The following SOX5 variants were observed in gnomAD, a reference collection of about 807,000 sequenced individuals.
The protein encoded by SOX5 is SRY-box transcription factor 5.
Under a neutral mutation model 92.0 loss-of-function variants are expected in SOX5, and 9 were observed. The observed-to-expected ratio is 0.10, with a 90% CI of 0.06 to 0.17. The LOEUF is 0.17. Among genes scored for constraint, SOX5 ranks in the 10% least tolerant of loss-of-function variants. SOX5 has a pLI of 1.00. For missense variants in SOX5, 642 were observed against 944.5 expected (o/e 0.68, Z 4.20); for synonymous variants, 344 against 336.3 (o/e 1.02, Z -0.25).
intron 6 of SOX5, among the ~76,000 whole-genome samples, chr12:23,677,240 C>T (rs2085856108): frequency 6.6e-6 from 1 of 152,082 alleles, no homozygotes; most frequent in Admixed American, 6.6e-5. Context: ...ACGATGCCCA[C>T]AGTTAGGTTT....
chr12:23,738,701 C>T (rs928889575), intron 5 of SOX5, among the ~76,000 whole-genome samples: 64 of 152,236 alleles, frequency 4.2e-4, no homozygotes, highest in African/African-American at 1.5e-3. Context: ...GACATGTGTG[C>T]CCTCAGACCC....
At chr12:23,614,139 A>T (rs2076280401) in intron 8 of SOX5, among the ~76,000 whole-genome samples, 1 of 152,196 alleles carries the variant, frequency 6.6e-6, no homozygotes. Context: ...CCAGGATCTG[A>T]CATGGCTGCA....
rs994471205 is a variant in SOX5, at chr12:24,192,769, T to C, written c.-2+20574A>G. 1.3e-5 allele frequency among the ~76,000 whole-genome samples: 2 copies of C among 152,188 alleles called. 1 individual carries two copies. Among genetic ancestry groups the C allele is most frequent in the African/African-American group, 4.8e-5 (2 of 41,452 alleles). ...AATGAACTCACACTGTATAGATTCC[T>C]ATGATCCCCCTGCATGCTCAGCAAC... On this transcript the variant is annotated intron_variant, in intron 4 of 4. Transcript: ENST00000446891.
chr12:24,107,308 C>T (rs1946801747), intron 4 of SOX5, among the ~76,000 whole-genome samples: 2 of 152,126 alleles, frequency 1.3e-5, no homozygotes, highest in Admixed American at 1.3e-4. Flanking sequence ...TTTCTATATT[C>T]TTAGTGTGTT....
intron 1 of SOX5, among the ~76,000 whole-genome samples, chr12:24,372,445 C>T (rs146194784): frequency 0.011 from 1,681 of 152,216 alleles, 23 homozygotes; most frequent in Admixed American, 0.019. Flanking sequence ...CATTCATGTC[C>T]CTGCCAAGGA....
intron 4 of SOX5, among the ~76,000 whole-genome samples, chr12:24,114,066 T>C (rs1947689482): frequency 6.6e-6 from 1 of 152,206 alleles, no homozygotes; most frequent in Admixed American, 6.5e-5. Context: ...GGCTAGCATC[T>C]GACCCATCTT....
At chr12:24,522,646 C>T in intron 1 of SOX5, among the ~76,000 whole-genome samples, 1 of 152,066 alleles carries the variant, frequency 6.6e-6, no homozygotes, top group East Asian at 1.9e-4. Flanking sequence ...ATGTGATACA[C>T]ACATTGCAGA....
chr12:24,455,294 T>G (rs1244202195), intron 1 of SOX5, among the ~76,000 whole-genome samples: 1 of 152,224 alleles, frequency 6.6e-6, no homozygotes, highest in African/African-American at 2.4e-5. Flanking sequence ...GAACAGAACC[T>G]GAACAGAATC....
chr12:24,368,443 GAA>G, intron 2 of SOX5: 1 of 152,238 alleles, frequency 6.6e-6, no homozygotes, highest in East Asian at 1.9e-4. Flanking sequence ...TCGGTAAAAG[GAA>G]AAATTGTGCC....
At chr12:23,781,170 T>G (rs145029122) in intron 3 of SOX5, among the ~76,000 whole-genome samples, 9 of 152,158 alleles carry the variant, frequency 5.9e-5, no homozygotes, top group African/African-American at 2.2e-4. Flanking sequence ...AAGGTAAGGT[T>G]TCTTACCTAA....
At chr12:23,764,565 T>C (rs1209117538) in intron 3 of SOX5, among the ~76,000 whole-genome samples, 1 of 152,076 alleles carries the variant, frequency 6.6e-6, no homozygotes, top group East Asian at 1.9e-4. Context: ...AAGAAAAAAC[T>C]ACCTAAATAT....
intron 1 of SOX5, among the ~76,000 whole-genome samples, chr12:24,392,507 T>C (rs1420867115): frequency 6.6e-6 from 1 of 152,106 alleles, no homozygotes; most frequent in Non-Finnish European, 1.5e-5. Context: ...TCCCCACAGA[T>C]CTTCACATGA....
intron 4 of SOX5, among the ~76,000 whole-genome samples, chr12:23,989,640 G>C (rs768871906): frequency 2.6e-5 from 4 of 152,072 alleles, no homozygotes; most frequent in African/African-American, 4.8e-5. Flanking sequence ...TCATGAAGGT[G>C]GAGCCCTCAT....
At position 23,532,070 on chromosome 12, in the gene SOX5, C is replaced by T. The variant is rs543911821; in HGVS notation, c.*2149G>A. 4 of 150,994 alleles carry T rather than the reference C, an allele frequency of 2.6e-5. No homozygotes were observed. The highest frequency in any genetic ancestry group is 2.1e-4 in the South Asian group (1 of 4,792). 9.4% of individuals were successfully genotyped at this position (150,994 alleles called of 1,614,324 possible). A position where few individuals can be genotyped will look rare whatever the true frequency, so the allele number is the denominator to read the frequency against. Reference sequence around the variant, plus strand: ...GAGAAATAAAATAAATTATACATAACTTACTAATCTGGGAACAGCTGACCA... The same window carrying T: ...GAGAAATAAAATAAATTATACATAATTTACTAATCTGGGAACAGCTGACCA... On this transcript the variant is annotated 3_prime_UTR_variant, in exon 15 of 15. Coordinates refer to ENST00000451604, the MANE Select transcript of SOX5 (RefSeq NM_006940.6).
intron 3 of SOX5, among the ~76,000 whole-genome samples, chr12:23,785,702 T>G (rs549730216): frequency 6.6e-6 from 1 of 152,220 alleles, no homozygotes; most frequent in South Asian, 2.1e-4. Context: ...TCGTAAGGCA[T>G]TAAAGGGACT....
At chr12:24,423,155 C>A (rs1342602939) in intron 1 of SOX5, among the ~76,000 whole-genome samples, 1 of 152,240 alleles carries the variant, frequency 6.6e-6, no homozygotes, top group East Asian at 1.9e-4. Context: ...GACTTCCCTA[C>A]TAAACAGAGA....
intron 1 of SOX5, among the ~76,000 whole-genome samples, chr12:23,945,783 G>C (rs946524447): frequency 1.3e-5 from 2 of 152,124 alleles, no homozygotes; most frequent in Non-Finnish European, 2.9e-5. Flanking sequence ...TTCACACCTA[G>C]AGTGTGCCTG....
At chr12:24,353,017 C>A (rs1954293616) in intron 2 of SOX5, among the ~76,000 whole-genome samples, 1 of 152,166 alleles carries the variant, frequency 6.6e-6, no homozygotes, top group Non-Finnish European at 1.5e-5. Context: ...GGGGTGCAAC[C>A]AGAAAGAGCC....
intron 4 of SOX5, among the ~76,000 whole-genome samples, chr12:23,982,111 G>C (rs920136949): frequency 1.3e-5 from 2 of 152,172 alleles, no homozygotes; most frequent in African/African-American, 4.8e-5. Flanking sequence ...GGGCACGAAC[G>C]AACATTTGAA....
Sources: allele counts gnomAD v4.1 joint callset (sites outside exome capture counted in the v4.1 genomes callset), GRCh38; gene constraint gnomAD v4.1.1; transcripts MANE v1.5; gene names NCBI Gene and HGNC (gene_info 2026-07-23, HGNC 2026-07-21).